TAF1B: variants seen among roughly 807,000 people sequenced by gnomAD.
TAF1B encodes the protein TATA-box binding protein associated factor, RNA polymerase I subunit B.
Under a neutral mutation model 83.9 loss-of-function variants are expected in TAF1B, and 61 were observed. That is an observed-to-expected ratio of 0.73 (90% CI 0.59 to 0.90). The LOEUF is 0.90. Among genes scored for constraint, TAF1B ranks in the 40% least tolerant of loss-of-function variants. TAF1B has a pLI of 0.00. For synonymous variants in TAF1B, 221 were observed against 224.6 expected, an observed-to-expected ratio of 0.98 and a Z score of 0.14; for missense variants, 625 against 677.0, an observed-to-expected ratio of 0.92 and a Z score of 0.85.
chr2:9,880,426 CTTTTTTTTTT>C lies in TAF1B; in HGVS notation c.708-2264_708-2255del, dbSNP rs6146620. 8.3e-4 allele frequency among the ~76,000 whole-genome samples: 62 copies of C among 75,038 alleles called. 2 individuals carry two copies. In the East Asian group the frequency reaches 0.017, roughly 21 times the overall value. The allele number at this position is 75,038 out of a possible 152,430, so 49.2% of individuals were successfully genotyped here. On this transcript the variant is annotated intron_variant, in intron 7 of 14. Transcript: ENST00000263663. ...ATTGTTCAGAACTTTGAGTAAGCAGCTTTTTTTTTTTTTTTTTTTTTTTTTGGAAAAACAA... is the reference window on the plus strand; with the variant it reads ...ATTGTTCAGAACTTTGAGTAAGCAGCTTTTTTTTTTTTTTTGGAAAAACAA...
chr2:9,880,280 C>T (rs139410592), intron 7 of TAF1B, among the ~76,000 whole-genome samples: 2 of 152,074 alleles, frequency 1.3e-5, no homozygotes, highest in African/African-American at 4.8e-5. Context: ...TTCCAGGGGA[C>T]ATGGCTAAAC....
intron 8 of TAF1B, among the ~76,000 whole-genome samples, chr2:9,904,317 A>G (rs1558259625): frequency 6.6e-6 from 1 of 152,054 alleles, no homozygotes; most frequent in Non-Finnish European, 1.5e-5. Context: ...GTGCCTGTGT[A>G]CTCAATGTTT....
intron 5 of TAF1B, among the ~76,000 whole-genome samples, chr2:9,866,951 G>C (rs943320121): frequency 5.3e-5 from 8 of 152,192 alleles, no homozygotes; most frequent in Middle Eastern, 3.4e-3. Context: ...TGGGTGGAGG[G>C]GGGAGGGATA....
chr2:9,865,706 C>T (rs1231993397), intron 5 of TAF1B, among the ~76,000 whole-genome samples: 3 of 151,788 alleles, frequency 2.0e-5, no homozygotes, highest in African/African-American at 7.3e-5. Context: ...CTACAGTAAC[C>T]AAAACAGCAT....
At chr2:9,925,277 T>G (rs1267957303) in intron 14 of TAF1B, among the ~76,000 whole-genome samples, 1 of 151,524 alleles carries the variant, frequency 6.6e-6, no homozygotes, top group Non-Finnish European at 1.5e-5. Context: ...CCATCTCTAC[T>G]AAAATACAAA....
In TAF1B at chr2:9,875,903, T is replaced by A. The variant is rs1664308668; in HGVS notation, c.592T>A (p.Tyr198Asn). The A allele has an allele frequency of 1.2e-6, 2 of 1,612,238 alleles. No homozygotes were observed. The highest frequency in any genetic ancestry group is 1.7e-6 in the Non-Finnish European group (2 of 1,178,610). ...VCSGSLDGVEYSQRKEKGIVK... is the reference protein window; with the variant it reads ...VCSGSLDGVENSQRKEKGIVK... ...CTCTGGATCTCTGGATGGAGTTGAA[T>A]ACTCACAACGAAAGGAGAAGGGAAT... The change falls in exon 7 of 15, where the codon TAC (tyrosine) becomes AAC (asparagine). Residue 198 changes from tyrosine (Y) to asparagine (N), a missense_variant. Coordinates refer to ENST00000263663, the MANE Select transcript of TAF1B (RefSeq NM_005680.3).
chr2:9,874,050 C>T (rs2125150110), intron 6 of TAF1B, among the ~76,000 whole-genome samples: 1 of 152,246 alleles, frequency 6.6e-6, no homozygotes, highest in South Asian at 2.1e-4. Context: ...TTCTTAATCT[C>T]TCTTCAGTAT....
intron 8 of TAF1B, among the ~76,000 whole-genome samples, chr2:9,894,069 T>G (rs1227484891): frequency 6.7e-6 from 1 of 149,430 alleles, no homozygotes; most frequent in Non-Finnish European, 1.5e-5. Context: ...GTATATGTCT[T>G]ACATCCTTAA....
At chr2:9,850,312 C>T (rs1663347811) in intron 3 of TAF1B, among the ~76,000 whole-genome samples, 1 of 152,116 alleles carries the variant, frequency 6.6e-6, no homozygotes, top group African/African-American at 2.4e-5. Context: ...TTATAGTCAA[C>T]CTCATCACCC....
At chr2:9,862,258 A>T (rs1663795968) in intron 5 of TAF1B, among the ~76,000 whole-genome samples, 1 of 152,232 alleles carries the variant, frequency 6.6e-6, no homozygotes, top group Non-Finnish European at 1.5e-5. Context: ...AAAGGACCTG[A>T]TGGAGCTGAA....
chr2:9,899,894 TGAA>T lies in TAF1B; in HGVS notation c.808-4964_808-4962del, dbSNP rs568107592. The stretch of plus-strand genomic sequence containing the variant: ...ATTTTAAAAATTGAGCATTGTACTA[TGAA>T]TATTTTCCTAAATCATAAAACAGCC... On this transcript the variant is annotated intron_variant, in intron 8 of 14. Transcript: ENST00000263663. Among the ~76,000 whole-genome samples, 26 of 152,372 alleles carry T rather than the reference TGAA, an allele frequency of 1.7e-4. No homozygotes were observed. The East Asian group carries it at 4.0e-3, about 24-fold the overall frequency.
intron 2 of TAF1B, 60 bp downstream of exon 2, chr2:9,845,378 G>A: frequency 7.2e-7 from 1 of 1,389,112 alleles, no homozygotes; most frequent in Non-Finnish European, 1.0e-6. Context: ...ATTTCAGCCT[G>A]ATATGTAGTC....
intron 7 of TAF1B, among the ~76,000 whole-genome samples, chr2:9,876,999 A>G (rs1327044748): frequency 6.6e-6 from 1 of 152,216 alleles, no homozygotes; most frequent in East Asian, 1.9e-4. Context: ...AAATGATGAT[A>G]GTGCCTTTGA....
intron 8 of TAF1B, among the ~76,000 whole-genome samples, chr2:9,892,157 C>A (rs1334034221): frequency 6.6e-6 from 1 of 151,914 alleles, no homozygotes; most frequent in Non-Finnish European, 1.5e-5. Context: ...TGTGTAGATA[C>A]ATAAATACTT....
intron 12 of TAF1B, among the ~76,000 whole-genome samples, chr2:9,918,783 T>G (rs984474080): frequency 3.3e-5 from 5 of 152,230 alleles, no homozygotes; most frequent in African/African-American, 1.2e-4. Flanking sequence ...CTATGTTTTT[T>G]GTATAATTAA....
intron 5 of TAF1B, among the ~76,000 whole-genome samples, chr2:9,861,848 A>G (rs1663777563): frequency 6.6e-6 from 1 of 152,156 alleles, no homozygotes; most frequent in South Asian, 2.1e-4. Context: ...TCTGGAGTGG[A>G]CCTCCAGCAA....
intron 1 of TAF1B, 149 bp from the exon 2 acceptor site, chr2:9,845,071 G>A (rs544337081): frequency 1.3e-5 from 6 of 473,136 alleles, no homozygotes; most frequent in Admixed American, 7.5e-5. Context: ...CTCCTTGTTT[G>A]CGGATAATCT....
intron 8 of TAF1B, 134 bp downstream of exon 8, chr2:9,882,939 C>A (rs373777960): frequency 1.8e-6 from 1 of 568,196 alleles, no homozygotes; most frequent in African/African-American, 1.9e-5. Flanking sequence ...CATAATTTAA[C>A]GAAGAGTAGA....
chr2:9,932,917 G>A (rs1666261522), intron 14 of TAF1B, among the ~76,000 whole-genome samples: 1 of 152,242 alleles, frequency 6.6e-6, no homozygotes, highest in Admixed American at 6.5e-5. Flanking sequence ...TGCCTCGCAG[G>A]TCAATCTCAG....
Sources: allele counts gnomAD v4.1 joint callset (sites outside exome capture counted in the v4.1 genomes callset), GRCh38; gene constraint gnomAD v4.1.1; transcripts MANE v1.5; gene names NCBI Gene and HGNC (gene_info 2026-07-23, HGNC 2026-07-21).